The following INPP4B variants were observed in gnomAD, a reference collection of about 807,000 sequenced individuals.
INPP4B encodes the protein inositol polyphosphate-4-phosphatase type II B.
In INPP4B, 55 loss-of-function variants were observed where a neutral mutation model predicts 122.5. The ratio of observed to expected loss-of-function variants is 0.45; its 90% CI spans 0.36 to 0.56. The LOEUF (loss-of-function observed/expected upper bound fraction) is 0.56, where lower values mean the gene tolerates loss of function less well. INPP4B is among the 20% of genes least tolerant of loss of function. INPP4B has a pLI of 0.00. For synonymous variants in INPP4B, 403 were observed against 388.7 expected, an observed-to-expected ratio of 1.04 and a Z score of -0.43; for missense variants, 1,000 against 1,097.7, an observed-to-expected ratio of 0.91 and a Z score of 1.26.
intron 5 of INPP4B, chr4:142,427,274 T>C (rs1025114658): frequency 5.9e-6 from 2 of 336,438 alleles, no homozygotes; most frequent in African/African-American, 4.3e-5. Context: ...AGTTCCATGA[T>C]GACTTGAAAT....
At chr4:142,243,451 T>C (rs982812906) in intron 11 of INPP4B, among the ~76,000 whole-genome samples, 5 of 152,162 alleles carry the variant, frequency 3.3e-5, no homozygotes, top group African/African-American at 1.2e-4. Flanking sequence ...GTGGATTGCA[T>C]CACGTTTGTT....
intron 2 of INPP4B, among the ~76,000 whole-genome samples, chr4:142,488,481 T>C (rs1011506781): frequency 2.0e-5 from 3 of 152,098 alleles, no homozygotes; most frequent in African/African-American, 7.2e-5. Flanking sequence ...ATGTTTCCTA[T>C]AATTTACCAG....
chr4:142,406,135 C>T (rs1301025679), intron 5 of INPP4B, among the ~76,000 whole-genome samples: 3 of 152,160 alleles, frequency 2.0e-5, no homozygotes, highest in Non-Finnish European at 4.4e-5. Context: ...CCGCCACCCT[C>T]GCCTCCCACC....
At chr4:142,529,430 G>T (rs1372977763) in intron 2 of INPP4B, among the ~76,000 whole-genome samples, 1 of 151,858 alleles carries the variant, frequency 6.6e-6, no homozygotes, top group Non-Finnish European at 1.5e-5. Flanking sequence ...GATAATTCAG[G>T]TATCTTCTAT....
At chr4:142,504,530 A>G (rs963469299) in intron 2 of INPP4B, among the ~76,000 whole-genome samples, 3 of 152,136 alleles carry the variant, frequency 2.0e-5, no homozygotes, top group Admixed American at 2.0e-4. Flanking sequence ...GTTACCTAGG[A>G]GATGATTATT....
intron 25 of INPP4B, chr4:142,029,371 TTTA>T (rs1309325594): frequency 6.1e-6 from 6 of 985,370 alleles, no homozygotes; most frequent in East Asian, 1.1e-4. Context: ...TCATCTCTAT[TTTA>T]TTATTTTAGC....
At chr4:142,055,054 T>TA (rs1453028088) in intron 25 of INPP4B, among the ~76,000 whole-genome samples, 1 of 152,074 alleles carries the variant, frequency 6.6e-6, no homozygotes, top group Non-Finnish European at 1.5e-5. Context: ...TCCACTTACT[T>TA]ACTAGTTTGA....
intron 2 of INPP4B, among the ~76,000 whole-genome samples, chr4:142,527,071 T>C (rs1242952316): frequency 6.6e-6 from 1 of 151,998 alleles, no homozygotes; most frequent in Admixed American, 6.6e-5. Context: ...CCTATTAATT[T>C]TGTAATAGAA....
chr4:142,687,245 AAAGG>A (rs1560961222), intron 2 of INPP4B, among the ~76,000 whole-genome samples: 1 of 152,080 alleles, frequency 6.6e-6, no homozygotes, highest in Non-Finnish European at 1.5e-5. Flanking sequence ...ATAAACTTAG[AAAGG>A]TTTTTGATTA....
chr4:142,091,993 C>T lies in INPP4B; in HGVS notation c.2375-5737G>A, dbSNP rs564892687. On this transcript the variant is annotated intron_variant, in intron 23 of 25. Transcript: ENST00000262992. ...GGGATGCACCACACTCCCACTCTGA[C>T]GTCCATTTGTGTGATCCATACCCCT... 2.4e-3 allele frequency among the ~76,000 whole-genome samples: 358 copies of T among 152,278 alleles called. 1 individual carries two copies. The highest frequency in any genetic ancestry group is 8.0e-3 in the African/African-American group (331 of 41,572).
chr4:142,363,187 C>T (rs771540700), intron 7 of INPP4B, among the ~76,000 whole-genome samples: 128 of 151,946 alleles, frequency 8.4e-4, no homozygotes, highest in Non-Finnish European at 5.0e-4. Context: ...TAAACACATA[C>T]GCACATATGT....
intron 25 of INPP4B, among the ~76,000 whole-genome samples, chr4:142,060,487 C>T (rs1288316437): frequency 2.0e-5 from 3 of 152,110 alleles, no homozygotes; most frequent in Non-Finnish European, 4.4e-5. Flanking sequence ...AAAGGTCATG[C>T]ATTTTATGGA....
intron 17 of INPP4B, among the ~76,000 whole-genome samples, chr4:142,150,933 C>T (rs1302124933): frequency 6.6e-6 from 1 of 152,148 alleles, no homozygotes; most frequent in Non-Finnish European, 1.5e-5. Flanking sequence ...GAAGACTAAG[C>T]CAGAGCTGAT....
chr4:142,377,737 C>T (rs1792505529), intron 7 of INPP4B, among the ~76,000 whole-genome samples: 1 of 152,046 alleles, frequency 6.6e-6, no homozygotes, highest in South Asian at 2.1e-4. Context: ...GAATGTTGGA[C>T]TATCAGAATG....
chr4:142,149,940 G>C (rs191265852), intron 17 of INPP4B, among the ~76,000 whole-genome samples: 28 of 152,322 alleles, frequency 1.8e-4, no homozygotes, highest in African/African-American at 6.5e-4. Context: ...GAAGACTGGA[G>C]TACATGATAG....
intron 2 of INPP4B, among the ~76,000 whole-genome samples, chr4:142,537,429 T>TATAGAGAGAGAG (rs1200701380): frequency 7.8e-5 from 2 of 25,484 alleles, no homozygotes; most frequent in Non-Finnish European, 1.8e-4. Context: ...TATATATATA[T>TATAGAGAGAGAG]AGAGAGAGAG....
intron 6 of INPP4B, among the ~76,000 whole-genome samples, chr4:142,403,893 A>T (rs1802455138): frequency 6.6e-6 from 1 of 152,194 alleles, no homozygotes; most frequent in Non-Finnish European, 1.5e-5. Context: ...ATGTTCAAGT[A>T]CAATATTTTA....
At position 142,674,324 on chromosome 4, in the gene INPP4B, C is replaced by T. The variant is rs1358014599; in HGVS notation, c.-191+51515G>A. 6.6e-5 allele frequency among the ~76,000 whole-genome samples: 10 copies of T among 152,070 alleles called. No individual in the cohort carries two copies. In the East Asian group the frequency reaches 1.7e-3, roughly 26 times the overall value. ...TCCAAAGATGTACCTGCATGCATCCCATCTCTAGAGTTCCTCTTTGAGTAA... is the reference window on the plus strand; with the variant it reads ...TCCAAAGATGTACCTGCATGCATCCTATCTCTAGAGTTCCTCTTTGAGTAA... On this transcript the variant is annotated intron_variant, in intron 2 of 25. Coordinates refer to ENST00000262992, the MANE Select transcript of INPP4B (RefSeq NM_001101669.3).
At chr4:142,656,795 T>C (rs1754235063) in intron 2 of INPP4B, among the ~76,000 whole-genome samples, 1 of 148,120 alleles carries the variant, frequency 6.8e-6, no homozygotes, top group African/African-American at 2.6e-5. Context: ...CCCTTAAAGA[T>C]TTTTTTTTCC....
Sources: gnomAD v4.1 joint callset for allele counts (sites outside exome capture counted in the v4.1 genomes callset) on GRCh38, gnomAD v4.1.1 for gene constraint, MANE v1.5 for transcripts, NCBI Gene and HGNC (gene_info 2026-07-23, HGNC 2026-07-21) for gene names.